CFHR4: variants seen among roughly 807,000 people sequenced by gnomAD.
The protein encoded by CFHR4 is complement factor H related 4, also known as complement factor H-related protein 4.
Under a neutral mutation model 69.3 loss-of-function variants are expected in CFHR4, and 64 were observed. The observed-to-expected ratio is 0.92, with a 90% CI of 0.76 to 1.14. The LOEUF (loss-of-function observed/expected upper bound fraction) is 1.14, where lower values mean the gene tolerates loss of function less well. Ranked by LOEUF, CFHR4 falls within the 50% of genes most tolerant of loss-of-function variation. The pLI is 0.00. For synonymous variants in CFHR4, 244 were observed against 237.0 expected (o/e 1.03, Z -0.27); for missense variants, 636 against 684.9 (o/e 0.93, Z 0.80).
chr1:196,901,645 C>T (rs1268690996), intron 1 of CFHR4, among the ~76,000 whole-genome samples: 1 of 151,062 alleles, frequency 6.6e-6, no homozygotes, highest in African/African-American at 2.4e-5. Context: ...GAAATGGAAA[C>T]TTTTTTTGGA....
At chr1:196,916,143 T>G (rs1308616312) in intron 9 of CFHR4, among the ~76,000 whole-genome samples, 1 of 151,468 alleles carries the variant, frequency 6.6e-6, no homozygotes, top group Non-Finnish European at 1.5e-5. Flanking sequence ...GCCAGTAATA[T>G]AGGTATACTT....
chr1:196,906,820 T>C, intron 3 of CFHR4, 41 bp from the exon 4 acceptor site: 2 of 1,581,050 alleles, frequency 1.3e-6, no homozygotes, highest in Non-Finnish European at 1.7e-6. Flanking sequence ...TTGTACATCA[T>C]ATGGCATAGA....
At chr1:196,901,616 A>G (rs1404258824) in intron 1 of CFHR4, among the ~76,000 whole-genome samples, 1 of 151,368 alleles carries the variant, frequency 6.6e-6, no homozygotes, top group African/African-American at 2.4e-5. Flanking sequence ...GTAGTAAATT[A>G]TCTCCGAATC....
chr1:196,895,462 C>T (rs1258999718), intron 1 of CFHR4, among the ~76,000 whole-genome samples: 1 of 151,418 alleles, frequency 6.6e-6, no homozygotes, highest in Non-Finnish European at 1.5e-5. Context: ...TCACTTTATA[C>T]TTTAATTTCT....
chr1:196,896,016 C>T (rs973156460), intron 1 of CFHR4, among the ~76,000 whole-genome samples: 1 of 150,584 alleles, frequency 6.6e-6, no homozygotes, highest in East Asian at 1.9e-4. Context: ...CAGTGTTTTC[C>T]AAGCCTGCAC....
intron 2 of CFHR4, among the ~76,000 whole-genome samples, chr1:196,904,456 CTAAAA>C (rs1464981795): frequency 2.6e-5 from 4 of 151,498 alleles, no homozygotes; most frequent in Non-Finnish European, 4.4e-5. Flanking sequence ...ATACGCATTA[CTAAAA>C]TAATTACTAC....
At chr1:196,906,408 A>T (rs1350365351) in intron 3 of CFHR4, among the ~76,000 whole-genome samples, 1 of 151,554 alleles carries the variant, frequency 6.6e-6, no homozygotes, top group Non-Finnish European at 1.5e-5. Context: ...AAAATAAAAG[A>T]TGCTTTAAAA....
At chr1:196,897,664 A>G (rs1483830165) in intron 1 of CFHR4, among the ~76,000 whole-genome samples, 3 of 151,226 alleles carry the variant, frequency 2.0e-5, no homozygotes, top group African/African-American at 7.3e-5. Context: ...AGCGGAACTC[A>G]TTTCCCTCGG....
Position 196,918,551 on chromosome 1 carries a change from A to G in CFHR4, c.*145A>G, listed in dbSNP as rs539932395. 1.2e-3 allele frequency: 1,023 copies of G among 818,858 alleles called. 11 individuals are homozygous for G. Among genetic ancestry groups the G allele is most frequent in the Non-Finnish European group, 1.6e-3 (804 of 512,714 alleles). 50.7% of individuals were successfully genotyped at this position (818,858 alleles called of 1,614,324 possible). ...TATAATAGTTTCAATTTGCAACTTA[A>G]TATGTTCTCAAAAATATGTTAAAAC... On this transcript the variant is annotated 3_prime_UTR_variant, in exon 10 of 10. Transcript: ENST00000608469.
chr1:196,896,753 T>A (rs1657318093), intron 1 of CFHR4, among the ~76,000 whole-genome samples: 1 of 151,534 alleles, frequency 6.6e-6, no homozygotes, highest in Non-Finnish European at 1.5e-5. Context: ...AATAGTACAA[T>A]CAGACAAATT....
At chr1:196,917,198 A>G (rs1050754197) in intron 9 of CFHR4, among the ~76,000 whole-genome samples, 1 of 151,316 alleles carries the variant, frequency 6.6e-6, no homozygotes, top group Non-Finnish European at 1.5e-5. Flanking sequence ...AATGCTAATA[A>G]GGGCTAAACT....
intron 9 of CFHR4, among the ~76,000 whole-genome samples, chr1:196,916,919 A>C (rs1658669203): frequency 6.6e-6 from 1 of 151,598 alleles, no homozygotes. Context: ...TATGGAAAAG[A>C]TTACATATAC....
intron 7 of CFHR4, among the ~76,000 whole-genome samples, chr1:196,913,265 T>C: frequency 6.6e-6 from 1 of 151,590 alleles, no homozygotes; most frequent in Non-Finnish European, 1.5e-5. Context: ...TTCAAAATTA[T>C]CAACTGCTTG....
At chr1:196,910,532 G>C in intron 6 of CFHR4, 54 bp downstream of exon 6, 3 of 1,419,916 alleles carry the variant, frequency 2.1e-6, no homozygotes, top group Non-Finnish European at 2.0e-6. Flanking sequence ...AGAATGGAGA[G>C]AGAAGAGCAA....
At chr1:196,916,354 A>C (rs1450505108) in intron 9 of CFHR4, among the ~76,000 whole-genome samples, 3 of 151,916 alleles carry the variant, frequency 2.0e-5, no homozygotes, top group Non-Finnish European at 4.4e-5. Context: ...CTTAAACTAT[A>C]AGTTCATGAG....
chr1:196,911,481 G>A (rs76434262), intron 6 of CFHR4, among the ~76,000 whole-genome samples: 27,070 of 150,646 alleles, frequency 0.18, 2,954 homozygotes, highest in Middle Eastern at 0.32. Context: ...TCACAACTAT[G>A]TCATATCTAT....
intron 1 of CFHR4, among the ~76,000 whole-genome samples, chr1:196,900,777 A>T (rs1016298713): frequency 5.3e-5 from 8 of 151,354 alleles, no homozygotes; most frequent in Non-Finnish European, 1.2e-4. Flanking sequence ...TCGGGGGGAA[A>T]CAACAGAATG....
chr1:196,913,003 T>C lies in CFHR4; in HGVS notation c.1180+81T>C, dbSNP rs1251347927. On this transcript the variant is annotated intron_variant, in intron 7 of 9. Coordinates refer to ENST00000608469, the MANE Select transcript of CFHR4 (RefSeq NM_001201550.3). ...GATGATAGTGTTTTACTTAAAAATA[T>C]AGAAAACACTTTTAGGAGTAAAGAG... 29 of 1,598,218 alleles carry C rather than the reference T, an allele frequency of 1.8e-5. 2 individuals are homozygous for C. Among genetic ancestry groups the C allele is most frequent in the East Asian group, 2.3e-5 (1 of 44,418 alleles).
intron 7 of CFHR4, 93 bp from the exon 8 acceptor site, chr1:196,914,402 A>G: frequency 3.7e-6 from 5 of 1,333,690 alleles, no homozygotes; most frequent in Non-Finnish European, 5.1e-6. Flanking sequence ...GCACACACTG[A>G]TTGGTAAATT....
Sources: allele counts gnomAD v4.1 joint callset (sites outside exome capture counted in the v4.1 genomes callset), GRCh38; gene constraint gnomAD v4.1.1; transcripts MANE v1.5; gene names NCBI Gene and HGNC (gene_info 2026-07-23, HGNC 2026-07-21).